XIRP2: variants seen among roughly 807,000 people sequenced by gnomAD.
XIRP2 encodes the protein xin actin binding repeat containing 2, also known as xin actin-binding repeat-containing protein 2.
XIRP2 carries 236 observed loss-of-function variants against 277.0 expected under a neutral mutation model. The observed-to-expected ratio is 0.85, with a 90% CI of 0.77 to 0.95. The LOEUF (loss-of-function observed/expected upper bound fraction) is 0.95. Ranked by LOEUF, XIRP2 falls within the 40% of genes least tolerant of loss-of-function variation. XIRP2 has a pLI of 0.00. For missense variants in XIRP2, 4,640 were observed against 4,157.5 expected, an observed-to-expected ratio of 1.12 and a Z score of -3.19; for synonymous variants, 1,490 against 1,416.5, an observed-to-expected ratio of 1.05 and a Z score of -1.17.
intron 3 of XIRP2, among the ~76,000 whole-genome samples, chr2:167,167,323 G>C (rs868189004): frequency 3.9e-5 from 6 of 152,034 alleles, no homozygotes; most frequent in African/African-American, 1.2e-4. Flanking sequence ...TTAGACCACT[G>C]ACATTCAAAG....
At chr2:167,207,742 T>G (rs1693900040) in intron 3 of XIRP2, among the ~76,000 whole-genome samples, 1 of 152,174 alleles carries the variant, frequency 6.6e-6, no homozygotes, top group Admixed American at 6.5e-5. Flanking sequence ...TGGGCATAAG[T>G]TGGATCTATC....
rs1351141034 is a variant in XIRP2, at chr2:167,258,544, G to A, written c.*727G>A. The stretch of plus-strand genomic sequence containing the variant: ...TTAATGACAACAATAATGTGATTGT[G>A]CAGAGTGCTGAAAAGGAGAAAAATG... On this transcript the variant is annotated 3_prime_UTR_variant, in exon 11 of 11. Transcript: ENST00000409195. The A allele has an allele frequency of 6.2e-7, 1 of 1,612,902 alleles. No individual in the cohort carries two copies. The highest frequency in any genetic ancestry group is 1.7e-5 in the Admixed American group (1 of 59,800).
intron 2 of XIRP2, among the ~76,000 whole-genome samples, chr2:166,977,090 A>C (rs1686735179): frequency 6.6e-6 from 1 of 152,068 alleles, no homozygotes; most frequent in South Asian, 2.1e-4. Flanking sequence ...CCTGAAAGCA[A>C]TGTGTGTTTG....
intron 2 of XIRP2, among the ~76,000 whole-genome samples, chr2:166,913,329 G>T (rs901872518): frequency 7.1e-6 from 1 of 140,744 alleles, no homozygotes; most frequent in Non-Finnish European, 1.6e-5. Context: ...CCCCAGCCTC[G>T]CTGCTGCCTT....
intron 2 of XIRP2, among the ~76,000 whole-genome samples, chr2:167,072,383 C>A (rs1195593228): frequency 1.3e-5 from 2 of 152,050 alleles, no homozygotes; most frequent in African/African-American, 4.8e-5. Flanking sequence ...CTGGATTGTC[C>A]TTTCTCCACC....
At chr2:167,235,913 A>T (rs1016993522) in intron 5 of XIRP2, among the ~76,000 whole-genome samples, 1 of 151,896 alleles carries the variant, frequency 6.6e-6, no homozygotes, top group African/African-American at 2.4e-5. Context: ...TCACCCACAA[A>T]TTGCTATGCT....
chr2:166,961,988 T>C (rs902297053), intron 2 of XIRP2, among the ~76,000 whole-genome samples: 10 of 151,716 alleles, frequency 6.6e-5, no homozygotes, highest in African/African-American at 2.2e-4. Flanking sequence ...TTGTGTTATG[T>C]ACCTGAATGA....
chr2:166,918,162 C>T (rs1684941932), intron 2 of XIRP2, among the ~76,000 whole-genome samples: 1 of 152,162 alleles, frequency 6.6e-6, no homozygotes, highest in Non-Finnish European at 1.5e-5. Flanking sequence ...GAGGTAATTT[C>T]TTCCAGGTTT....
At chr2:167,137,491 G>A (rs908701635) in intron 3 of XIRP2, among the ~76,000 whole-genome samples, 1 of 152,046 alleles carries the variant, frequency 6.6e-6, no homozygotes, top group Middle Eastern at 3.2e-3. Flanking sequence ...GCTTAGCATA[G>A]GGAGGCAAAA....
At chr2:167,052,491 G>A (rs1177402092) in intron 2 of XIRP2, among the ~76,000 whole-genome samples, 1 of 151,986 alleles carries the variant, frequency 6.6e-6, no homozygotes, top group East Asian at 1.9e-4. Flanking sequence ...CCAACATCAG[G>A]TCCTATTCAA....
intron 3 of XIRP2, among the ~76,000 whole-genome samples, chr2:167,138,224 T>C (rs768595867): frequency 3.3e-5 from 5 of 152,188 alleles, no homozygotes; most frequent in Non-Finnish European, 5.9e-5. Context: ...TGAAAAACAG[T>C]AGATTTTTAA....
At chr2:167,047,840 G>A (rs182179865) in intron 2 of XIRP2, among the ~76,000 whole-genome samples, 3 of 151,940 alleles carry the variant, frequency 2.0e-5, no homozygotes, top group African/African-American at 7.2e-5. Flanking sequence ...AGTGAATTTG[G>A]AGGGGTGTAT....
chr2:167,160,037 A>G (rs925994697), intron 3 of XIRP2, among the ~76,000 whole-genome samples: 3 of 152,206 alleles, frequency 2.0e-5, no homozygotes, highest in African/African-American at 7.2e-5. Flanking sequence ...GTAATTGCGC[A>G]AACAAGCTAA....
intron 2 of XIRP2, among the ~76,000 whole-genome samples, chr2:167,028,039 T>G (rs1031673959): frequency 6.6e-6 from 1 of 152,118 alleles, no homozygotes; most frequent in East Asian, 1.9e-4. Flanking sequence ...GAAAAATGTT[T>G]TATTCTTCCT....
chr2:167,188,932 A>T (rs985559416), intron 3 of XIRP2, among the ~76,000 whole-genome samples: 10 of 152,210 alleles, frequency 6.6e-5, no homozygotes, highest in African/African-American at 2.4e-4. Flanking sequence ...GAAAATGTTC[A>T]TGGAAAAATG....
intron 5 of XIRP2, among the ~76,000 whole-genome samples, chr2:167,232,047 C>A (rs1357261121): frequency 7.9e-5 from 12 of 151,954 alleles, no homozygotes; most frequent in Admixed American, 7.9e-4. Flanking sequence ...ATTGCCTCTT[C>A]AATAAATTCC....
chr2:167,250,449 G>A lies in XIRP2; in HGVS notation c.9057G>A (p.Ala3019=), dbSNP rs374140935. Residue 3019 remains alanine, a synonymous_variant, in exon 9 of 11, where the codon GCG becomes GCA. Transcript: ENST00000409195. ...AAATAACACATATTAAAACTCAAGCGGAAGATATGCTTGTGTCCTATGAAA... is the reference window on the plus strand; with the variant it reads ...AAATAACACATATTAAAACTCAAGCAGAAGATATGCTTGTGTCCTATGAAA... ...KEEITHIKTQ[A]EDMLVSYENI... is the part of the protein sequence containing the mutation. The A allele has an allele frequency of 1.9e-5, 31 of 1,613,138 alleles. No individual in the cohort carries two copies. The highest frequency in any genetic ancestry group is 8.9e-5 in the East Asian group (4 of 44,802).
intron 2 of XIRP2, among the ~76,000 whole-genome samples, chr2:167,059,955 T>C (rs1461057303): frequency 6.6e-6 from 1 of 152,156 alleles, no homozygotes; most frequent in African/African-American, 2.4e-5. Context: ...TACTGAATGA[T>C]AAGAGAACAC....
intron 2 of XIRP2, among the ~76,000 whole-genome samples, chr2:167,074,625 T>G (rs1054530355): frequency 7.3e-6 from 1 of 137,700 alleles, no homozygotes; most frequent in African/African-American, 3.2e-5. Flanking sequence ...TGTGTGTGCA[T>G]GTGTGTGTGC....
Sources: gnomAD v4.1 joint callset for allele counts (sites outside exome capture counted in the v4.1 genomes callset) on GRCh38, gnomAD v4.1.1 for gene constraint, MANE v1.5 for transcripts, NCBI Gene and HGNC (gene_info 2026-07-23, HGNC 2026-07-21) for gene names.